TAF8: variants seen among roughly 807,000 people sequenced by gnomAD.
TAF8 encodes the protein TATA-box binding protein associated factor 8.
A neutral mutation model predicts 36.5 loss-of-function variants in TAF8; 47 were observed. That is an observed-to-expected ratio of 1.29 (90% CI 1.02 to 1.64). The LOEUF is 1.64. Ranked by LOEUF, TAF8 falls within the 40% of genes most tolerant of loss-of-function variation. TAF8 has a pLI of 0.00. For missense variants in TAF8, 420 were observed against 407.6 expected, an observed-to-expected ratio of 1.03 and a Z score of -0.26; for synonymous variants, 175 against 159.5, an observed-to-expected ratio of 1.10 and a Z score of -0.73.
chr6:42,080,109 G>T lies in TAF8; in HGVS notation c.*2564G>T. On this transcript the variant is annotated 3_prime_UTR_variant, in exon 9 of 9. Coordinates refer to ENST00000372977, the MANE Select transcript of TAF8 (RefSeq NM_138572.3). ...TAGACTGGCCTATGTGGCCTTCTCAGGGTTTGTGATTCAGTTCTTAGCGAT... is the reference window on the plus strand; with the variant it reads ...TAGACTGGCCTATGTGGCCTTCTCATGGTTTGTGATTCAGTTCTTAGCGAT... 1 of 985,202 alleles carries T rather than the reference G, an allele frequency of 1.0e-6. No individual in the cohort carries two copies. Among genetic ancestry groups the T allele is most frequent in the African/African-American group, 1.7e-5 (1 of 57,176 alleles). The allele number at this position is 985,202 out of a possible 1,614,324, so 61.0% of individuals were successfully genotyped here.
downstream of TAF8, among the ~76,000 whole-genome samples, chr6:42,085,255 G>T (rs1766009943): frequency 6.6e-6 from 1 of 152,136 alleles, no homozygotes; most frequent in African/African-American, 2.4e-5. Context: ...GTGTTCCATT[G>T]TATGTCTTAT....
chr6:42,057,338 T>C (rs1377347702), intron 4 of TAF8, 51 bp from the exon 5 acceptor site: 3 of 1,613,214 alleles, frequency 1.9e-6, no homozygotes, highest in Non-Finnish European at 2.5e-6. Flanking sequence ...CCATAATCTG[T>C]AGAAATCAGG....
chr6:42,079,745 G>C lies in TAF8; in HGVS notation c.*2200G>C, dbSNP rs1370766650. ...TTTTTTTTTTTTTTAGTAGACACGG[G>C]ATTTTGCTATGTTGCCCAGGCTGGT... On this transcript the variant is annotated 3_prime_UTR_variant, in exon 9 of 9. Transcript: ENST00000372977. 1.5e-6 allele frequency: 1 copy of C among 662,836 alleles called. No homozygotes were observed. Among genetic ancestry groups the C allele is most frequent in the Non-Finnish European group, 1.9e-6 (1 of 536,282 alleles). The allele number at this position is 662,836 out of a possible 1,614,324, so 41.1% of individuals were successfully genotyped here.
downstream of TAF8, among the ~76,000 whole-genome samples, chr6:42,085,727 G>C (rs571802391): frequency 2.0e-5 from 3 of 152,220 alleles, no homozygotes; most frequent in Non-Finnish European, 4.4e-5. Context: ...GCTCACGCCT[G>C]TAATCCCAGC....
downstream of TAF8, among the ~76,000 whole-genome samples, chr6:42,086,403 G>A (rs947028121): frequency 3.3e-5 from 5 of 152,220 alleles, no homozygotes. Context: ...GTCCTCATCG[G>A]TAAGTGTGGC....
Position 42,064,697 on chromosome 6 carries a change from C to T in TAF8, c.490-1615C>T, listed in dbSNP as rs552544327. On this transcript the variant is annotated intron_variant, in intron 5 of 8. Coordinates refer to ENST00000372977, the MANE Select transcript of TAF8 (RefSeq NM_138572.3). ...GCCTTCTTTAAAAATGCTATCTCAG[C>T]CTGTAATCCCAGCACTTTGGGAGGC... Among the ~76,000 whole-genome samples, 3 of 152,162 alleles carry T rather than the reference C, an allele frequency of 2.0e-5. No individual in the cohort carries two copies. The South Asian group carries it at 6.2e-4, about 32-fold the overall frequency.
chr6:42,055,242 GT>G (rs1231430708), intron 2 of TAF8, among the ~76,000 whole-genome samples: 30 of 152,214 alleles, frequency 2.0e-4, no homozygotes, highest in African/African-American at 6.3e-4. Flanking sequence ...TGTTTTCAAA[GT>G]TCATCTATGC....
At chr6:42,051,572 C>G in intron 2 of TAF8, 59 bp downstream of exon 2, 1 of 1,555,492 alleles carries the variant, frequency 6.4e-7, no homozygotes, top group Non-Finnish European at 8.8e-7. Context: ...CTGTGCCCTG[C>G]TTTGTGATAG....
chr6:42,057,567 TACTG>T (rs1765047934), intron 5 of TAF8, 54 bp downstream of exon 5: 9 of 1,599,522 alleles, frequency 5.6e-6, no homozygotes, highest in Non-Finnish European at 7.7e-6. Flanking sequence ...AGTCAGTTCC[TACTG>T]ACTGTCACGT....
At position 42,068,464 on chromosome 6, in the gene TAF8, G is replaced by C; in HGVS notation, c.638-1G>C. ...CTCATGCCTCTCTTCCAATTCGCCAGTGATTGCTGCCAGACCTTTCACCAT... is the reference window on the plus strand; with the variant it reads ...CTCATGCCTCTCTTCCAATTCGCCACTGATTGCTGCCAGACCTTTCACCAT... On this transcript the variant is annotated splice_acceptor_variant, in intron 6 of 8. Coordinates refer to ENST00000372977, the MANE Select transcript of TAF8 (RefSeq NM_138572.3). LOFTEE classifies it high-confidence loss of function. 1 of 1,613,960 alleles carries C rather than the reference G, an allele frequency of 6.2e-7. No homozygotes were observed. The highest frequency in any genetic ancestry group is 8.5e-7 in the Non-Finnish European group (1 of 1,180,006).
downstream of TAF8, chr6:42,087,080 C>T: frequency 2.7e-6 from 1 of 373,804 alleles, no homozygotes; most frequent in Non-Finnish European, 5.0e-6. Flanking sequence ...CGCCTGAAGC[C>T]TTCCTCTGGC....
chr6:42,077,327 G>T (rs557652849), intron 8 of TAF8, 88 bp downstream of exon 8: 1 of 1,519,000 alleles, frequency 6.6e-7, no homozygotes, highest in Non-Finnish European at 8.8e-7. Context: ...TCAGTGGGGC[G>T]GAGCCTTGGG....
In TAF8 at chr6:42,070,661, A is replaced by G. The variant is rs573578052; in HGVS notation, c.780+2054A>G. On this transcript the variant is annotated intron_variant, in intron 7 of 8. Coordinates refer to ENST00000372977, the MANE Select transcript of TAF8 (RefSeq NM_138572.3). ...TCCTGCAGTACAGGGAGGGAGAGTG[A>G]TGCAGTGGTAACTAAAAGGGGGAAA... is the stretch of plus-strand genomic sequence containing the variant. 7.2e-5 allele frequency among the ~76,000 whole-genome samples: 11 copies of G among 152,350 alleles called. 2 individuals carry two copies. Among genetic ancestry groups the G allele is most frequent in the African/African-American group, 2.6e-4 (11 of 41,582 alleles).
At chr6:42,068,372 G>C in intron 6 of TAF8, 93 bp from the exon 7 acceptor site, 2 of 1,403,474 alleles carry the variant, frequency 1.4e-6, no homozygotes, top group Non-Finnish European at 2.0e-6. Flanking sequence ...ATCTTCTGGT[G>C]CTGCTCACTG....
downstream of TAF8, chr6:42,087,119 C>G (rs1195443686): frequency 1.6e-5 from 5 of 309,604 alleles, no homozygotes; most frequent in Admixed American, 1.3e-4. Context: ...ACTCTGGGGT[C>G]TGGTCAGGGA....
Position 42,078,450 on chromosome 6 carries a change from C to T in TAF8, c.*905C>T, listed in dbSNP as rs1273743782. Reference sequence around the variant, plus strand: ...AGAACTTCATTCTTATTTCTCTCCTCATCTGGCCTCCCAAGTGCTCCGTTG... The same window carrying T: ...AGAACTTCATTCTTATTTCTCTCCTTATCTGGCCTCCCAAGTGCTCCGTTG... On this transcript the variant is annotated 3_prime_UTR_variant, in exon 9 of 9. Coordinates refer to ENST00000372977, the MANE Select transcript of TAF8 (RefSeq NM_138572.3). The T allele has an allele frequency of 1.0e-6, 1 of 985,348 alleles. No homozygotes were observed. Among genetic ancestry groups the T allele is most frequent in the Non-Finnish European group, 1.2e-6 (1 of 829,948 alleles). 61.0% of individuals were successfully genotyped at this position (985,348 alleles called of 1,614,324 possible). A position where few individuals can be genotyped will look rare whatever the true frequency, so the allele number is the denominator to read the frequency against.
At chr6:42,086,658 C>T, downstream of TAF8, 9 of 1,531,780 alleles carry the variant, frequency 5.9e-6, no homozygotes, top group South Asian at 9.6e-5. Flanking sequence ...TCTTCCACCA[C>T]CCTCTCCTGA....
intron 1 of TAF8, 76 bp from the exon 2 acceptor site, chr6:42,051,281 G>A: frequency 2.2e-6 from 3 of 1,391,810 alleles, no homozygotes; most frequent in South Asian, 2.9e-5. Context: ...AAATAACTTT[G>A]CTTGCCGTTG....
intron 5 of TAF8, among the ~76,000 whole-genome samples, chr6:42,065,731 G>A (rs1054990995): frequency 1.3e-5 from 2 of 152,136 alleles, no homozygotes; most frequent in African/African-American, 2.4e-5. Flanking sequence ...CATCTGTCAT[G>A]GGAGCTGAAT....
Sources: allele counts gnomAD v4.1 joint callset (sites outside exome capture counted in the v4.1 genomes callset), GRCh38; gene constraint gnomAD v4.1.1; transcripts MANE v1.5; gene names NCBI Gene and HGNC (gene_info 2026-07-23, HGNC 2026-07-21).